Variants in EYS observed in about 807,000 individuals in gnomAD.
The protein encoded by EYS is EGF-like photoreceptor maintenance factor, also known as protein eyes shut homolog.
In EYS, 250 loss-of-function variants were observed where a neutral mutation model predicts 282.1. The ratio of observed to expected loss-of-function variants is 0.89; its 90% CI spans 0.80 to 0.98. The LOEUF is 0.98. EYS is among the 50% of genes least tolerant of loss of function. The pLI, the probability that EYS is intolerant of heterozygous loss-of-function variation, is 0.00. For missense variants in EYS, 4,016 were observed against 3,709.0 expected (o/e 1.08, Z -2.15); for synonymous variants, 1,355 against 1,282.9 (o/e 1.06, Z -1.20).
chr6:65,372,691 T>C (rs936323202), intron 8 of EYS, among the ~76,000 whole-genome samples: 13 of 152,078 alleles, frequency 8.5e-5, no homozygotes, highest in African/African-American at 3.1e-4. Context: ...GAGAATGCAA[T>C]TGACATTGTG....
At chr6:64,966,368 G>A (rs1770095712) in intron 14 of EYS, among the ~76,000 whole-genome samples, 1 of 152,132 alleles carries the variant, frequency 6.6e-6, no homozygotes, top group Admixed American at 6.5e-5. Flanking sequence ...GTTTAAGCTT[G>A]TTAATGATTT....
At chr6:63,951,430 A>G (rs1765588504) in intron 35 of EYS, among the ~76,000 whole-genome samples, 1 of 151,990 alleles carries the variant, frequency 6.6e-6, no homozygotes, top group Non-Finnish European at 1.5e-5. Context: ...CTCTGTTCCC[A>G]ATGTGACTTG....
intron 33 of EYS, among the ~76,000 whole-genome samples, chr6:64,043,646 G>A (rs1379075272): frequency 6.6e-6 from 1 of 152,310 alleles, no homozygotes; most frequent in East Asian, 1.9e-4. Context: ...CAAGGGTTGG[G>A]TAGGTCCTTG....
chr6:63,735,507 A>ACG (rs148652739), intron 41 of EYS, among the ~76,000 whole-genome samples: 1,824 of 151,938 alleles, frequency 0.012, 31 homozygotes, highest in African/African-American at 0.042. Flanking sequence ...ACACACACAC[A>ACG]CACACACACC....
chr6:64,232,083 A>C (rs1445970138), intron 30 of EYS, among the ~76,000 whole-genome samples: 1 of 152,144 alleles, frequency 6.6e-6, no homozygotes, highest in Non-Finnish European at 1.5e-5. Flanking sequence ...AAGAAGATGA[A>C]ATAGATAATT....
At position 65,367,629 on chromosome 6, in the gene EYS, A is replaced by G. The variant is rs143344700; in HGVS notation, c.1300-14012T>C. Among the ~76,000 whole-genome samples the G allele has an allele frequency of 8.8e-4, 133 of 151,786 alleles. 3 individuals carry two copies. The highest frequency in any genetic ancestry group is 3.0e-3 in the African/African-American group (123 of 41,532). On this transcript the variant is annotated intron_variant, in intron 8 of 42. Coordinates refer to ENST00000503581, the MANE Select transcript of EYS (RefSeq NM_001142800.2). ...TTATCACTTACAAAAGTTCCGCTGA[A>G]AAAAAGCGAGATACAAGATAAGCTT...
intron 33 of EYS, among the ~76,000 whole-genome samples, chr6:64,050,265 C>G (rs1770764109): frequency 6.6e-6 from 1 of 152,046 alleles, no homozygotes; most frequent in Non-Finnish European, 1.5e-5. Context: ...TTTATTGAAT[C>G]CCTCCCACCC....
chr6:63,722,388 C>T (rs75927245), intron 42 of EYS, among the ~76,000 whole-genome samples: 1,800 of 152,226 alleles, frequency 0.012, 28 homozygotes, highest in African/African-American at 0.042. Flanking sequence ...TTTCCCAGAG[C>T]TGGTCAGGAA....
rs189942695 is a variant in EYS, at chr6:65,110,584, T to C, written c.2024-52857A>G. On this transcript the variant is annotated intron_variant, in intron 12 of 42. Coordinates refer to ENST00000503581, the MANE Select transcript of EYS (RefSeq NM_001142800.2). Reference sequence around the variant, plus strand: ...AGACAGAAATAAGAGTAAATAGAGATAATCATTTTTCCACGTATCATCCCT... The same window carrying C: ...AGACAGAAATAAGAGTAAATAGAGACAATCATTTTTCCACGTATCATCCCT... 2.0e-3 allele frequency among the ~76,000 whole-genome samples: 297 copies of C among 152,218 alleles called. 3 individuals carry two copies. The highest frequency in any genetic ancestry group is 2.1e-3 in the South Asian group (10 of 4,824).
chr6:63,799,567 C>T (rs1273467565), intron 37 of EYS, among the ~76,000 whole-genome samples: 1 of 152,032 alleles, frequency 6.6e-6, no homozygotes, highest in Non-Finnish European at 1.5e-5. Context: ...ATTGATTTTT[C>T]ACCAACTATC....
At chr6:64,201,329 C>T (rs1170694337) in intron 31 of EYS, among the ~76,000 whole-genome samples, 2 of 151,978 alleles carry the variant, frequency 1.3e-5, no homozygotes, top group Non-Finnish European at 2.9e-5. Flanking sequence ...TTTTTATGAG[C>T]TTTTCTACTT....
chr6:64,585,758 C>G (rs1766215556), intron 26 of EYS, among the ~76,000 whole-genome samples: 1 of 152,086 alleles, frequency 6.6e-6, no homozygotes, highest in African/African-American at 2.4e-5. Flanking sequence ...AAAACATACA[C>G]ATTCTCTTAT....
intron 7 of EYS, among the ~76,000 whole-genome samples, chr6:65,393,669 T>G (rs1305446163): frequency 6.6e-6 from 1 of 152,044 alleles, no homozygotes; most frequent in Non-Finnish European, 1.5e-5. Flanking sequence ...ATTTGTGACA[T>G]AAACTGAAAA....
At chr6:63,998,704 A>G (rs1489698005) in intron 34 of EYS, among the ~76,000 whole-genome samples, 8 of 152,120 alleles carry the variant, frequency 5.3e-5, no homozygotes, top group Non-Finnish European at 1.2e-4. Context: ...GCCTTTTTTA[A>G]CAGTGCAAGT....
At chr6:64,638,496 A>G (rs551123672) in intron 22 of EYS, among the ~76,000 whole-genome samples, 2 of 91,972 alleles carry the variant, frequency 2.2e-5, no homozygotes, top group East Asian at 4.9e-4. Context: ...TACCTCCACA[A>G]CATAAAGCTC....
intron 12 of EYS, among the ~76,000 whole-genome samples, chr6:65,176,711 G>A (rs1395124062): frequency 1.3e-5 from 2 of 151,520 alleles, no homozygotes; most frequent in East Asian, 3.9e-4. Context: ...ATAAATTAGA[G>A]ATAGTAATGT....
chr6:63,809,608 GT>G (rs1770989730), intron 36 of EYS, among the ~76,000 whole-genome samples: 1 of 152,134 alleles, frequency 6.6e-6, no homozygotes, highest in African/African-American at 2.4e-5. Context: ...ATTGTTTAGT[GT>G]GTAGAAGAAG....
rs745385931 is a variant in EYS at position 65,461,775 on chromosome 6, G to A, written c.862+28819C>T. Among the ~76,000 whole-genome samples, 663 of 151,992 alleles carry A rather than the reference G, an allele frequency of 4.4e-3. 5 individuals carry two copies. Among genetic ancestry groups the A allele is most frequent in the Middle Eastern group, 0.01 (3 of 294 alleles). ...AATTATTAGAATAACTAAAACAATA[G>A]AACAGTAAAACAACCATTATTAATT... On this transcript the variant is annotated intron_variant, in intron 5 of 42. Transcript: ENST00000503581.
chr6:65,314,880 T>G (rs151097702), intron 11 of EYS, among the ~76,000 whole-genome samples: 1 of 152,264 alleles, frequency 6.6e-6, no homozygotes, highest in Admixed American at 6.5e-5. Context: ...GGTCACTGTT[T>G]ATATTTCTCC....
Sources: allele counts gnomAD v4.1 joint callset (sites outside exome capture counted in the v4.1 genomes callset), GRCh38; gene constraint gnomAD v4.1.1; transcripts MANE v1.5; gene names NCBI Gene and HGNC (gene_info 2026-07-23, HGNC 2026-07-21).